ATL3: variants seen among roughly 807,000 people sequenced by gnomAD.
ATL3 encodes the protein atlastin GTPase 3.
ATL3 carries 49 observed loss-of-function variants against 69.5 expected under a neutral mutation model. The observed-to-expected ratio is 0.71, with a 90% CI of 0.56 to 0.89. The LOEUF (loss-of-function observed/expected upper bound fraction) is 0.89, where lower values mean the gene tolerates loss of function less well. Ranked by LOEUF, ATL3 falls within the 40% of genes least tolerant of loss-of-function variation. ATL3 has a pLI of 0.00. For synonymous variants in ATL3, 214 were observed against 224.1 expected, an observed-to-expected ratio of 0.95 and a Z score of 0.40; for missense variants, 606 against 645.7, an observed-to-expected ratio of 0.94 and a Z score of 0.67.
At position 63,670,669 on chromosome 11, in the gene ATL3, T is replaced by C. The variant is rs557043708; in HGVS notation, c.46+621A>G. Among the ~76,000 whole-genome samples, 12 of 152,308 alleles carry C rather than the reference T, an allele frequency of 7.9e-5. No individual in the cohort carries two copies. The East Asian group carries it at 2.3e-3, about 29-fold the overall frequency. On this transcript the variant is annotated intron_variant, in intron 1 of 12. Coordinates refer to ENST00000398868, the MANE Select transcript of ATL3 (RefSeq NM_015459.5). ...AAGCACTAACTTACGAAAAACCAAT[T>C]TAGACCAATTCTTTACAGCGTTAAG...
chr11:63,657,115 C>T (rs1940277495), intron 3 of ATL3, among the ~76,000 whole-genome samples: 1 of 148,294 alleles, frequency 6.7e-6, no homozygotes, highest in Non-Finnish European at 1.5e-5. Context: ...GAGGCTGAGG[C>T]AGGAGAATTG....
chr11:63,656,692 C>A (rs1000909273), intron 3 of ATL3, among the ~76,000 whole-genome samples: 4 of 150,602 alleles, frequency 2.7e-5, no homozygotes, highest in Non-Finnish European at 5.9e-5. Flanking sequence ...CGAGATCGCA[C>A]CACTGCACTC....
upstream of ATL3, chr11:63,671,549 G>A (rs1940784484): frequency 7.0e-7 from 1 of 1,418,842 alleles, no homozygotes; most frequent in East Asian, 3.0e-5. Flanking sequence ...AGCGCAGGAC[G>A]AGGCTAGGCG....
In ATL3 at chr11:63,631,040, C is replaced by T. The variant is rs779242170; in HGVS notation, c.1539G>A (p.Gln513=). 23 of 1,604,986 alleles carry T rather than the reference C, an allele frequency of 1.4e-5. No individual in the cohort carries two copies. Among genetic ancestry groups the T allele is most frequent in the Non-Finnish European group, 1.9e-5 (22 of 1,174,924 alleles). Residue 513 remains glutamine, a splice_region_variant and synonymous_variant, in exon 12 of 13, where the codon CAG becomes CAA. Coordinates refer to ENST00000398868, the MANE Select transcript of ATL3 (RefSeq NM_015459.5). ...IDFGAAYVLE[Q]ASSHIGNSTQ... is the part of the protein sequence containing the mutation. The stretch of plus-strand genomic sequence containing the variant: ...CAGGCTCTTCAGCAGCACCACTTAC[C>T]TGCTCCAACACATATGCGGCACCAA...
At chr11:63,631,828 A>C (rs1939329313) in intron 11 of ATL3, among the ~76,000 whole-genome samples, 1 of 152,114 alleles carries the variant, frequency 6.6e-6, no homozygotes, top group South Asian at 2.1e-4. Context: ...CTAACACAAA[A>C]AAAATTAGCC....
At chr11:63,652,396 C>A in intron 4 of ATL3, 75 bp downstream of exon 4, 2 of 943,310 alleles carry the variant, frequency 2.1e-6, no homozygotes, top group Non-Finnish European at 3.1e-6. Context: ...GTTAACAGAA[C>A]AATAACCAAA....
At chr11:63,662,202 G>A (rs1940442349) in intron 1 of ATL3, among the ~76,000 whole-genome samples, 1 of 139,940 alleles carries the variant, frequency 7.1e-6, no homozygotes, top group Non-Finnish European at 1.5e-5. Flanking sequence ...TTCAGAGCAA[G>A]ACTCTATCTC....
intron 11 of ATL3, chr11:63,632,318 T>G (rs1334723767): frequency 1.6e-5 from 13 of 795,798 alleles, no homozygotes; most frequent in Middle Eastern, 4.5e-4. Flanking sequence ...GTTGGTGGTG[T>G]TGTCATGTGT....
At position 63,652,551 on chromosome 11, in the gene ATL3, G is replaced by C. The variant is rs1319186464; in HGVS notation, c.430C>G (p.Gln144Glu). ...KKVAVVLMDT[Q>E]GAFDSQSTVK... ...GTTGACTGGCTGTCAAATGCCCCCT[G>C]GGTATCCATCAGAACAACTGCAACC... The change falls in exon 4 of 13, where the codon CAG becomes GAG. Residue 144 changes from glutamine (Q) to glutamate (E), a missense_variant. By Grantham distance (29) the Gln-to-Glu change is conservative (BLOSUM62 2). Coordinates refer to ENST00000398868, the MANE Select transcript of ATL3 (RefSeq NM_015459.5). The C allele has an allele frequency of 4.3e-6, 7 of 1,610,758 alleles. No homozygotes were observed. The highest frequency in any genetic ancestry group is 5.9e-6 in the Non-Finnish European group (7 of 1,177,922).
At position 63,654,247 on chromosome 11, in the gene ATL3, C is replaced by T. The variant is rs186213470; in HGVS notation, c.406-1672G>A. Among the ~76,000 whole-genome samples the T allele has an allele frequency of 7.8e-3, 1,172 of 149,620 alleles. 23 individuals are homozygous for T. Among genetic ancestry groups the T allele is most frequent in the African/African-American group, 0.027 (1,114 of 40,614 alleles). On this transcript the variant is annotated intron_variant, in intron 3 of 12. Transcript: ENST00000398868. The stretch of plus-strand genomic sequence containing the variant: ...CTGCAAGCTCCGCCTCCCAGGTTCA[C>T]GCCATTCTCCTGCCTCAGCCTCCCA...
rs114664397 is a variant in ATL3 at position 63,645,513 on chromosome 11, G to A, written c.618+994C>T. ...CCTCATTCTCAAGAAACACTGAACT[G>A]AGGCATAGGTCAGCAAAGACTTTTT... On this transcript the variant is annotated intron_variant, in intron 6 of 12. Transcript: ENST00000398868. Among the ~76,000 whole-genome samples, 1,404 of 152,226 alleles carry A rather than the reference G, an allele frequency of 9.2e-3. 15 individuals are homozygous for A. Among genetic ancestry groups the A allele is most frequent in the African/African-American group, 0.032 (1,316 of 41,522 alleles).
intron 6 of ATL3, among the ~76,000 whole-genome samples, chr11:63,645,540 CAGAGAGAGAGAG>C (rs113638692): frequency 2.7e-5 from 4 of 150,458 alleles, no homozygotes; most frequent in Middle Eastern, 3.4e-3. Flanking sequence ...AGACTTTTTG[CAGAGAGAGAGAG>C]AGAGAGAGAG....
chr11:63,664,168 C>CACA (rs1375569345), intron 1 of ATL3, among the ~76,000 whole-genome samples: 3 of 152,214 alleles, frequency 2.0e-5, no homozygotes, highest in Non-Finnish European at 4.4e-5. Flanking sequence ...TAGCAGCCAA[C>CACA]ACAACAGTCT....
chr11:63,671,399 A>C, upstream of ATL3: 5 of 1,531,386 alleles, frequency 3.3e-6, no homozygotes, highest in Non-Finnish European at 4.4e-6. Context: ...TGCGGGCGGG[A>C]ACGAACCGGG....
In ATL3 at chr11:63,631,306, A is replaced by G. The variant is rs1481967327; in HGVS notation, c.1273T>C (p.Tyr425His). Residue 425 changes from tyrosine to histidine, a missense_variant, in exon 12 of 13, where the codon TAT (tyrosine) becomes CAT (histidine). Transcript: ENST00000398868. ...QELEEEIKEL[Y>H]ENFCKHNGSK... ...CCATTGTGCTTGCAGAAGTTCTCAT[A>G]TAATTCCTTGATTTCCTCCTCCAGC... The G allele has an allele frequency of 1.9e-6, 3 of 1,614,206 alleles. No homozygotes were observed. The highest frequency in any genetic ancestry group is 2.5e-6 in the Non-Finnish European group (3 of 1,180,040).
chr11:63,641,091 A>G (rs1939686041), intron 8 of ATL3, among the ~76,000 whole-genome samples: 1 of 152,170 alleles, frequency 6.6e-6, no homozygotes, highest in Non-Finnish European at 1.5e-5. Flanking sequence ...ATTTTCATTA[A>G]TATATAATGA....
intron 1 of ATL3, among the ~76,000 whole-genome samples, chr11:63,669,634 T>C (rs1940710947): frequency 6.6e-6 from 1 of 152,032 alleles, no homozygotes; most frequent in Non-Finnish European, 1.5e-5. Flanking sequence ...TACAATGAGG[T>C]AGTAAACTGT....
In ATL3 at chr11:63,665,327, CAG is replaced by C. The variant is rs549442654; in HGVS notation, c.46+5961_46+5962del. ...AGCCATTGCACTCCAGCCTGGGTGA[CAG>C]AGTGAGACTCCATCTCAAAAAAAAA... On this transcript the variant is annotated intron_variant, in intron 1 of 12. Transcript: ENST00000398868. Among the ~76,000 whole-genome samples, 350 of 136,902 alleles carry C rather than the reference CAG, an allele frequency of 2.6e-3. 4 individuals carry two copies. Among genetic ancestry groups the C allele is most frequent in the African/African-American group, 8.4e-3 (300 of 35,800 alleles). The allele number at this position is 136,902 out of a possible 152,430, so 89.8% of individuals were successfully genotyped here.
intron 10 of ATL3, among the ~76,000 whole-genome samples, chr11:63,634,387 G>C (rs1411250829): frequency 1.3e-5 from 2 of 151,520 alleles, no homozygotes; most frequent in African/African-American, 4.9e-5. Flanking sequence ...GGCGCCTGCA[G>C]TCCCAGCTAC....
Sources: allele counts gnomAD v4.1 joint callset (sites outside exome capture counted in the v4.1 genomes callset), GRCh38; gene constraint gnomAD v4.1.1; transcripts MANE v1.5; gene names NCBI Gene and HGNC (gene_info 2026-07-23, HGNC 2026-07-21).